Variants in PPFIBP2 observed in about 807,000 individuals in gnomAD.
The protein encoded by PPFIBP2 is liprin-beta-2.
In PPFIBP2, 118 loss-of-function variants were observed where a neutral mutation model predicts 118.3. That is an observed-to-expected ratio of 1.00 (90% confidence interval 0.86 to 1.16). The LOEUF is 1.16. Among genes scored for constraint, PPFIBP2 ranks in the 50% most tolerant of loss-of-function variants. The pLI is 0.00. For synonymous variants in PPFIBP2, 414 were observed against 397.4 expected (o/e 1.04, Z -0.50); for missense variants, 1,195 against 1,073.1 (o/e 1.11, Z -1.59).
At chr11:7,604,955 C>T (rs184354544) in intron 5 of PPFIBP2, among the ~76,000 whole-genome samples, 3 of 152,244 alleles carry the variant, frequency 2.0e-5, no homozygotes, top group Admixed American at 6.5e-5. Flanking sequence ...CAGGAAGTTA[C>T]CGTAAGGTTT....
At chr11:7,552,563 T>A (rs1443805255) in intron 2 of PPFIBP2, among the ~76,000 whole-genome samples, 2 of 152,184 alleles carry the variant, frequency 1.3e-5, no homozygotes, top group Non-Finnish European at 2.9e-5. Context: ...CACAGAGCTG[T>A]AGAGTAAACC....
At chr11:7,613,191 AAAG>A (rs1380215272) in intron 6 of PPFIBP2, among the ~76,000 whole-genome samples, 2 of 152,196 alleles carry the variant, frequency 1.3e-5, no homozygotes, top group Non-Finnish European at 2.9e-5. Context: ...GTTTTAATGA[AAAG>A]AAGAGAATGC....
At chr11:7,588,147 A>T (rs1858548940) in intron 3 of PPFIBP2, among the ~76,000 whole-genome samples, 2 of 152,194 alleles carry the variant, frequency 1.3e-5, no homozygotes, top group South Asian at 4.1e-4. Flanking sequence ...GTGCATGAGG[A>T]ACTTATCAAG....
chr11:7,664,404 T>TAATA, the PPFIBP2 span, among the ~76,000 whole-genome samples: 1 of 152,150 alleles, frequency 6.6e-6, no homozygotes, highest in South Asian at 2.1e-4. Context: ...TTGGGCTGCG[T>TAATA]AATACTCTGT....
intron 3 of PPFIBP2, among the ~76,000 whole-genome samples, chr11:7,588,687 G>T (rs1261857851): frequency 3.9e-5 from 6 of 152,204 alleles, no homozygotes; most frequent in Admixed American, 1.3e-4. Context: ...GCCTCCGCGA[G>T]GTCTGAATTT....
chr11:7,549,463 G>A lies in PPFIBP2; in HGVS notation c.-13G>A, dbSNP rs1030769845. The A allele has an allele frequency of 1.3e-6, 2 of 1,556,712 alleles. No homozygotes were observed. Among genetic ancestry groups the A allele is most frequent in the Admixed American group, 1.9e-5 (1 of 51,808 alleles). On this transcript the variant is annotated 5_prime_UTR_variant, in exon 2 of 24. Transcript: ENST00000299492. ...AGTAAGAAGAGGAGGAGGCCAGGCA[G>A]GCAAAAGGAGTCATGGCTTCTGATG... is the stretch of plus-strand genomic sequence containing the variant.
rs1013976823 is a variant in PPFIBP2, at chr11:7,521,638, A to G, written c.-37+7517A>G. 3.9e-5 allele frequency among the ~76,000 whole-genome samples: 6 copies of G among 152,184 alleles called. 1 individual carries two copies. The highest frequency in any genetic ancestry group is 8.8e-5 in the Non-Finnish European group (6 of 68,038). ...TATGCTATTTCATCACTTTATGTCT[A>G]TGTCTCTGTCCATATTCCTCCAAAC... On this transcript the variant is annotated intron_variant, in intron 1 of 23. Transcript: ENST00000299492.
At chr11:7,657,700 C>A (rs1022008375), downstream of PPFIBP2, among the ~76,000 whole-genome samples, 2 of 152,188 alleles carry the variant, frequency 1.3e-5, no homozygotes, top group Non-Finnish European at 2.9e-5. Flanking sequence ...TTCTCCTAGT[C>A]CCCTTCATGA....
chr11:7,635,785 CATT>C (rs1484646099), intron 14 of PPFIBP2, among the ~76,000 whole-genome samples, 192 bp downstream of exon 14: 2 of 152,154 alleles, frequency 1.3e-5, no homozygotes, highest in Non-Finnish European at 2.9e-5. Flanking sequence ...CTTTTGCTAT[CATT>C]ATCTGTGGGA....
At chr11:7,604,104 T>A (rs1206909843) in intron 5 of PPFIBP2, among the ~76,000 whole-genome samples, 1 of 151,934 alleles carries the variant, frequency 6.6e-6, no homozygotes, top group Admixed American at 6.5e-5. Context: ...TGGATCAGAG[T>A]TGACTCCAGT....
intron 3 of PPFIBP2, among the ~76,000 whole-genome samples, chr11:7,590,265 C>G (rs1185766225): frequency 6.6e-6 from 1 of 152,204 alleles, no homozygotes; most frequent in Non-Finnish European, 1.5e-5. Flanking sequence ...CTATATAGAT[C>G]ATGAAAACAC....
chr11:7,631,256 T>C (rs569175947), intron 11 of PPFIBP2: 4 of 481,698 alleles, frequency 8.3e-6, no homozygotes, highest in East Asian at 3.4e-5. Flanking sequence ...CTTTCAAGGA[T>C]AGGAGTTCTC....
chr11:7,641,908 G>T (rs1362252436), intron 16 of PPFIBP2: 3 of 456,508 alleles, frequency 6.6e-6, no homozygotes, highest in Non-Finnish European at 1.2e-5. Context: ...ATTGGATCTG[G>T]CACAGACACA....
At chr11:7,593,874 C>T (rs1310360019) in intron 4 of PPFIBP2, among the ~76,000 whole-genome samples, 2 of 152,188 alleles carry the variant, frequency 1.3e-5, no homozygotes, top group African/African-American at 4.8e-5. Context: ...AAGAAGCAGG[C>T]CCAGCACTTT....
intron 3 of PPFIBP2, among the ~76,000 whole-genome samples, chr11:7,592,197 T>G (rs1160469710): frequency 6.6e-6 from 1 of 152,166 alleles, no homozygotes; most frequent in African/African-American, 2.4e-5. Context: ...CAGACCAGTC[T>G]GATTTCAGTC....
At chr11:7,602,097 A>G (rs1846728621) in intron 5 of PPFIBP2, among the ~76,000 whole-genome samples, 1 of 149,402 alleles carries the variant, frequency 6.7e-6, no homozygotes, top group Non-Finnish European at 1.5e-5. Flanking sequence ...CAAAAAAAAA[A>G]AAAAAAAAAA....
At chr11:7,566,038 T>C (rs890198011) in intron 3 of PPFIBP2, among the ~76,000 whole-genome samples, 3 of 101,560 alleles carry the variant, frequency 3.0e-5, no homozygotes, top group Non-Finnish European at 5.6e-5. Flanking sequence ...CATTTAAGAT[T>C]TCACACACAC....
chr11:7,563,952 T>G (rs1447026404), intron 2 of PPFIBP2, among the ~76,000 whole-genome samples: 2 of 151,994 alleles, frequency 1.3e-5, no homozygotes, highest in Non-Finnish European at 2.9e-5. Context: ...GATCATGAGG[T>G]CAGGAGATTG....
At chr11:7,639,183 G>T (rs1375697294) in intron 14 of PPFIBP2, among the ~76,000 whole-genome samples, 1 of 152,110 alleles carries the variant, frequency 6.6e-6, no homozygotes, top group African/African-American at 2.4e-5. Flanking sequence ...CCCTTTTCTG[G>T]TCTGAGTAAG....
Sources: gnomAD v4.1 joint callset for allele counts (sites outside exome capture counted in the v4.1 genomes callset) on GRCh38, gnomAD v4.1.1 for gene constraint, MANE v1.5 for transcripts, NCBI Gene and HGNC (gene_info 2026-07-23, HGNC 2026-07-21) for gene names.